Variants in MSI2 observed in about 807,000 individuals in gnomAD.
MSI2 encodes musashi RNA binding protein 2.
MSI2 carries 17 observed loss-of-function variants against 45.6 expected under a neutral mutation model. The observed-to-expected ratio is 0.37, with a 90% CI of 0.26 to 0.56. The LOEUF (loss-of-function observed/expected upper bound fraction) is 0.56, where lower values mean the gene tolerates loss of function less well. Among genes scored for constraint, MSI2 ranks in the 20% least tolerant of loss-of-function variants. MSI2 has a pLI of 0.77. For synonymous variants in MSI2, 156 were observed against 158.2 expected (o/e 0.99, Z 0.11); for missense variants, 293 against 444.2 (o/e 0.66, Z 3.06).
At chr17:57,600,249 C>A (rs1204349416) in intron 8 of MSI2, among the ~76,000 whole-genome samples, 1 of 152,214 alleles carries the variant, frequency 6.6e-6, no homozygotes, top group Non-Finnish European at 1.5e-5. Context: ...TGCTGTGAAA[C>A]CACAGACCCA....
chr17:57,544,328 T>C (rs1406313725), intron 7 of MSI2, among the ~76,000 whole-genome samples: 1 of 152,246 alleles, frequency 6.6e-6, no homozygotes, highest in Non-Finnish European at 1.5e-5. Context: ...TAAGGCCTAG[T>C]ACCCTGGCCT....
At chr17:57,286,625 G>A (rs1261699146) in intron 5 of MSI2, among the ~76,000 whole-genome samples, 1 of 152,026 alleles carries the variant, frequency 6.6e-6, no homozygotes, top group Non-Finnish European at 1.5e-5. Context: ...CCATAAACAA[G>A]GGGCTGCCTT....
chr17:57,610,557 C>T (rs1423625041), intron 8 of MSI2, among the ~76,000 whole-genome samples: 1 of 95,008 alleles, frequency 1.1e-5, no homozygotes, highest in Admixed American at 1.0e-4. Context: ...AGGATACTCT[C>T]CTTGCAACTT....
chr17:57,689,515 G>A (rs917159413), downstream of MSI2, among the ~76,000 whole-genome samples: 1 of 152,060 alleles, frequency 6.6e-6, no homozygotes, highest in African/African-American at 2.4e-5. Flanking sequence ...AGACAATAAT[G>A]CATTTTAAAA....
At chr17:57,488,694 T>A (rs577262494) in intron 6 of MSI2, among the ~76,000 whole-genome samples, 1 of 151,990 alleles carries the variant, frequency 6.6e-6, no homozygotes, top group Non-Finnish European at 1.5e-5. Flanking sequence ...TATGGTGGTG[T>A]GTGCCTGTAA....
chr17:57,298,097 T>C (rs1206030592), intron 5 of MSI2, among the ~76,000 whole-genome samples: 1 of 151,820 alleles, frequency 6.6e-6, no homozygotes, highest in Non-Finnish European at 1.5e-5. Flanking sequence ...GCATCTAGAG[T>C]GGTGAATGCT....
downstream of MSI2, among the ~76,000 whole-genome samples, chr17:57,686,620 TCAGA>T (rs1469714710): frequency 1.3e-5 from 2 of 151,738 alleles, no homozygotes; most frequent in African/African-American, 4.9e-5. Context: ...AATGTCAGTA[TCAGA>T]CAGAGTGGAA....
chr17:57,346,359 G>T (rs900806308), intron 5 of MSI2, among the ~76,000 whole-genome samples: 8 of 134,198 alleles, frequency 6.0e-5, no homozygotes, highest in African/African-American at 8.2e-5. Flanking sequence ...GGGGGGGGGG[G>T]TCTGATTTTT....
intron 6 of MSI2, among the ~76,000 whole-genome samples, chr17:57,422,258 G>A (rs1271760529): frequency 2.0e-5 from 3 of 152,042 alleles, no homozygotes; most frequent in Non-Finnish European, 4.4e-5. Flanking sequence ...TCACGAATTC[G>A]AGACCAGCCT....
intron 6 of MSI2, among the ~76,000 whole-genome samples, chr17:57,458,932 CTA>C (rs2143604534): frequency 6.6e-6 from 1 of 152,352 alleles, no homozygotes; most frequent in East Asian, 1.9e-4. Flanking sequence ...CTTTGGGTAA[CTA>C]TGGCAGATCC....
intron 6 of MSI2, among the ~76,000 whole-genome samples, chr17:57,424,659 G>A (rs1036450431): frequency 3.3e-5 from 5 of 151,990 alleles, no homozygotes; most frequent in African/African-American, 1.2e-4. Context: ...ATGCTTCAGG[G>A]GTGGCTTCCA....
intron 6 of MSI2, among the ~76,000 whole-genome samples, chr17:57,520,339 A>G (rs1183186544): frequency 6.6e-6 from 1 of 152,244 alleles, no homozygotes; most frequent in Admixed American, 6.5e-5. Context: ...TTCAGTTCCC[A>G]TGGGCAGGTG....
intron 11 of MSI2, among the ~76,000 whole-genome samples, chr17:57,665,573 G>A (rs553027458): frequency 1.3e-5 from 2 of 152,248 alleles, no homozygotes; most frequent in East Asian, 3.9e-4. Context: ...GTCCTCAAGG[G>A]GCTGCCCCTG....
rs2087325345 is a variant in MSI2, at chr17:57,552,299, C to CT, written c.454+22576dup. Among the ~76,000 whole-genome samples the CT allele has an allele frequency of 6.6e-6, 1 of 152,218 alleles. No homozygotes were observed. The highest frequency in any genetic ancestry group is 2.4e-5 in the African/African-American group (1 of 41,450). On this transcript the variant is annotated intron_variant, in intron 7 of 13. Transcript: ENST00000284073. This position sits in a 1 kb window ranked among gnomAD's most constrained non-coding sequence, Gnocchi z 4.3. ...ATGTTCACTGGTCTGTAATTCCTGA[C>CT]TCCCTTCCTGAGAGAGTCCTGGGAA...
intron 5 of MSI2, among the ~76,000 whole-genome samples, chr17:57,385,107 G>T (rs1224228594): frequency 6.6e-6 from 1 of 152,064 alleles, no homozygotes; most frequent in Non-Finnish European, 1.5e-5. Flanking sequence ...GAACTATTAT[G>T]ATAAGCTCCT....
chr17:57,677,114 G>A (rs1232380998), intron 13 of MSI2, 55 bp downstream of exon 13: 5 of 1,220,742 alleles, frequency 4.1e-6, no homozygotes, highest in African/African-American at 1.5e-5. Flanking sequence ...GTACATGTAT[G>A]TCCACAGGTC....
intron 5 of MSI2, among the ~76,000 whole-genome samples, chr17:57,388,065 G>A (rs2083716223): frequency 6.6e-6 from 1 of 152,164 alleles, no homozygotes; most frequent in African/African-American, 2.4e-5. Context: ...ATTGGAACCT[G>A]GCCTTCCAAT....
chr17:57,289,779 G>A (rs1226242312), intron 5 of MSI2, among the ~76,000 whole-genome samples: 1 of 152,226 alleles, frequency 6.6e-6, no homozygotes, highest in Non-Finnish European at 1.5e-5. Flanking sequence ...GCTTCCCTCT[G>A]CTGCAGGAGT....
At chr17:57,373,971 C>A (rs1001665419) in intron 5 of MSI2, among the ~76,000 whole-genome samples, 3 of 152,104 alleles carry the variant, frequency 2.0e-5, no homozygotes, top group Non-Finnish European at 2.9e-5. Flanking sequence ...AGGCTTATGG[C>A]GAGGAGGTTG....
Sources: gnomAD v4.1 joint callset for allele counts (sites outside exome capture counted in the v4.1 genomes callset) on GRCh38, gnomAD v4.1.1 for gene constraint, Gnocchi (gnomAD v3.1) non-coding constraint, MANE v1.5 for transcripts, NCBI Gene and HGNC (gene_info 2026-07-23, HGNC 2026-07-21) for gene names.